CMSS1: variants seen among roughly 807,000 people sequenced by gnomAD.
CMSS1 encodes the protein protein CMSS1.
A neutral mutation model predicts 43.5 loss-of-function variants in CMSS1; 33 were observed. That is an observed-to-expected ratio of 0.76 (90% CI 0.57 to 1.01). The LOEUF (loss-of-function observed/expected upper bound fraction) is 1.01, where lower values mean the gene tolerates loss of function less well. Among genes scored for constraint, CMSS1 ranks in the 50% least tolerant of loss-of-function variants. The pLI is 0.00. For missense variants in CMSS1, 313 were observed against 326.4 expected, an observed-to-expected ratio of 0.96 and a Z score of 0.32; for synonymous variants, 115 against 117.2, an observed-to-expected ratio of 0.98 and a Z score of 0.12.
At position 99,995,398 on chromosome 3, in the gene CMSS1, G is replaced by A. The variant is rs1460566910; in HGVS notation, c.65-151575G>A. Among the ~76,000 whole-genome samples, 7 of 152,182 alleles carry A rather than the reference G, an allele frequency of 4.6e-5. 1 individual carries two copies. The highest frequency in any genetic ancestry group is 3.2e-3 in the Middle Eastern group (1 of 316). On this transcript the variant is annotated intron_variant, in intron 1 of 9. Coordinates refer to ENST00000421999, the MANE Select transcript of CMSS1 (RefSeq NM_032359.4). Reference sequence around the variant, plus strand: ...AGCTCAGCCCCTGTGGCTTTGCAGGGTACAGCCTCCCTCCCAGCTGCTTTC... The same window carrying A: ...AGCTCAGCCCCTGTGGCTTTGCAGGATACAGCCTCCCTCCCAGCTGCTTTC...
chr3:100,072,873 C>G (rs1198208474), intron 1 of CMSS1, among the ~76,000 whole-genome samples: 1 of 152,222 alleles, frequency 6.6e-6, no homozygotes, highest in Non-Finnish European at 1.5e-5. Context: ...TACCTACCCA[C>G]TTCCTCTAAC....
At chr3:99,986,115 A>G (rs1369206778) in intron 1 of CMSS1, among the ~76,000 whole-genome samples, 1 of 152,208 alleles carries the variant, frequency 6.6e-6, no homozygotes. Flanking sequence ...CATTGTTATA[A>G]GAGGAAAAAA....
At chr3:99,865,005 T>C (rs938200723) in intron 1 of CMSS1, among the ~76,000 whole-genome samples, 7 of 152,226 alleles carry the variant, frequency 4.6e-5, no homozygotes, top group African/African-American at 1.7e-4. Flanking sequence ...TGGTACTTAA[T>C]TGGTATTCAA....
chr3:100,075,747 TC>T (rs1367469973), intron 1 of CMSS1: 1 of 152,186 alleles, frequency 6.6e-6, no homozygotes, highest in Non-Finnish European at 1.5e-5. Flanking sequence ...GAGAATTTCA[TC>T]CCACAGTGAT....
At chr3:99,954,159 T>C (rs1212509731) in intron 1 of CMSS1, among the ~76,000 whole-genome samples, 1 of 152,230 alleles carries the variant, frequency 6.6e-6, no homozygotes, top group Non-Finnish European at 1.5e-5. Context: ...ATATTGGTCT[T>C]CATATTTCAC....
intron 1 of CMSS1, among the ~76,000 whole-genome samples, chr3:100,134,263 G>A (rs1175551007): frequency 6.6e-6 from 1 of 152,004 alleles, no homozygotes; most frequent in Non-Finnish European, 1.5e-5. Context: ...CACATCCAGG[G>A]TATATAGCAT....
intron 1 of CMSS1, among the ~76,000 whole-genome samples, chr3:100,118,034 G>T (rs1576083776): frequency 6.6e-6 from 1 of 150,966 alleles, no homozygotes; most frequent in East Asian, 1.9e-4. Flanking sequence ...ACCCAGAATT[G>T]TCAAATTCAT....
intron 1 of CMSS1, chr3:99,930,138 G>A: frequency 1.2e-6 from 1 of 864,768 alleles, no homozygotes; most frequent in Non-Finnish European, 1.8e-6. Flanking sequence ...AAATCTAAAT[G>A]AATCATATTT....
chr3:100,130,363 G>T (rs2107498932), intron 1 of CMSS1, among the ~76,000 whole-genome samples: 1 of 152,242 alleles, frequency 6.6e-6, no homozygotes, highest in Middle Eastern at 3.4e-3. Flanking sequence ...GTTTGTTTTG[G>T]TAGCTACTGA....
At chr3:99,826,400 G>C (rs1455215015) in intron 1 of CMSS1, among the ~76,000 whole-genome samples, 1 of 152,158 alleles carries the variant, frequency 6.6e-6, no homozygotes, top group African/African-American at 2.4e-5. Context: ...CATAACTGCT[G>C]TTGCAGTGTA....
At chr3:100,069,913 A>T (rs1216311976) in intron 1 of CMSS1, among the ~76,000 whole-genome samples, 1 of 152,230 alleles carries the variant, frequency 6.6e-6, no homozygotes, top group African/African-American at 2.4e-5. Context: ...GAAACTTAAA[A>T]AAAGAAAATC....
chr3:100,083,398 A>G (rs2065961098), intron 1 of CMSS1, among the ~76,000 whole-genome samples: 1 of 152,248 alleles, frequency 6.6e-6, no homozygotes, highest in African/African-American at 2.4e-5. Flanking sequence ...GAAACTTCCT[A>G]GACCCAACCC....
intron 1 of CMSS1, among the ~76,000 whole-genome samples, chr3:99,938,112 G>A (rs1339164054): frequency 1.3e-5 from 2 of 152,288 alleles, no homozygotes; most frequent in East Asian, 1.9e-4. Context: ...CTCGTGCTGG[G>A]TGGGGAAGAA....
chr3:99,931,514 C>A (rs990229636), intron 1 of CMSS1, among the ~76,000 whole-genome samples: 16 of 152,046 alleles, frequency 1.1e-4, no homozygotes, highest in African/African-American at 3.9e-4. Flanking sequence ...AATTTGTTAG[C>A]CTTTAAAAGT....
At chr3:99,832,231 C>CT (rs577849748) in intron 1 of CMSS1, among the ~76,000 whole-genome samples, 3,975 of 138,140 alleles carry the variant, frequency 0.029, 146 homozygotes, top group African/African-American at 0.075. Flanking sequence ...ATTCCTAAAT[C>CT]TTTTTTTTTT....
At chr3:99,930,900 G>C (rs756479525) in intron 1 of CMSS1, 2 of 1,613,380 alleles carry the variant, frequency 1.2e-6, no homozygotes, top group Non-Finnish European at 1.7e-6. Context: ...GACTCACTGG[G>C]GGAGTCTTTG....
chr3:99,867,021 G>C (rs1226776822), intron 1 of CMSS1, among the ~76,000 whole-genome samples: 2 of 152,190 alleles, frequency 1.3e-5, no homozygotes, highest in Non-Finnish European at 2.9e-5. Flanking sequence ...ATACTGAGAA[G>C]ACAGAAAATG....
At chr3:100,083,009 A>G (rs2065955425) in intron 1 of CMSS1, among the ~76,000 whole-genome samples, 1 of 152,218 alleles carries the variant, frequency 6.6e-6, no homozygotes. Flanking sequence ...AGTTTAGTCT[A>G]GTACTTTGGG....
At chr3:99,937,453 G>A (rs1707714632) in intron 1 of CMSS1, among the ~76,000 whole-genome samples, 1 of 152,140 alleles carries the variant, frequency 6.6e-6, no homozygotes, top group Non-Finnish European at 1.5e-5. Context: ...TGAAGTGGCA[G>A]GAGACATGTC....
Sources: gnomAD v4.1 joint callset for allele counts (sites outside exome capture counted in the v4.1 genomes callset) on GRCh38, gnomAD v4.1.1 for gene constraint, MANE v1.5 for transcripts, NCBI Gene and HGNC (gene_info 2026-07-23, HGNC 2026-07-21) for gene names.